The following KIAA0319 variants were observed in gnomAD, a reference collection of about 807,000 sequenced individuals.
The protein encoded by KIAA0319 is dyslexia-associated protein KIAA0319.
A neutral mutation model predicts 108.4 loss-of-function variants in KIAA0319; 83 were observed. That is an observed-to-expected ratio of 0.77 (90% CI 0.64 to 0.92). The LOEUF (loss-of-function observed/expected upper bound fraction) is 0.92. Ranked by LOEUF, KIAA0319 falls within the 40% of genes least tolerant of loss-of-function variation. The pLI, the probability that KIAA0319 is intolerant of heterozygous loss-of-function variation, is 0.00. For synonymous variants in KIAA0319, 484 were observed against 510.4 expected (o/e 0.95, Z 0.70); for missense variants, 1,195 against 1,322.4 (o/e 0.90, Z 1.49).
At chr6:24,600,665 C>G (rs1330613226) in intron 2 of KIAA0319, 2 of 1,535,544 alleles carry the variant, frequency 1.3e-6, no homozygotes, top group Non-Finnish European at 1.7e-6. Flanking sequence ...TTAAATGATG[C>G]TCACCAGTGA....
Position 24,646,097 on chromosome 6 carries a change from C to A in KIAA0319, c.-467G>T, listed in dbSNP as rs1292190818. ...CGGGGCCAGCCAGGCCCGCCGAGGG[C>A]AGCACAGGTGGAGCAAGGTTGCACC... On this transcript the variant is annotated 5_prime_UTR_variant, in exon 1 of 21. Transcript: ENST00000378214. 6.6e-6 allele frequency: 1 copy of A among 152,534 alleles called. No individual in the cohort carries two copies. The highest frequency in any genetic ancestry group is 1.5e-5 in the Non-Finnish European group (1 of 68,346). 9.4% of individuals were successfully genotyped at this position (152,534 alleles called of 1,614,324 possible). A position where few individuals can be genotyped will look rare whatever the true frequency, so the allele number is the denominator to read the frequency against.
intron 1 of KIAA0319, among the ~76,000 whole-genome samples, chr6:24,603,572 C>G (rs1562047159): frequency 1.3e-5 from 2 of 152,152 alleles, no homozygotes; most frequent in Non-Finnish European, 2.9e-5. Context: ...GTGGATAAAA[C>G]CTTATAGGAG....
chr6:24,573,128 T>C (rs1197259815), intron 10 of KIAA0319, among the ~76,000 whole-genome samples: 1 of 151,988 alleles, frequency 6.6e-6, no homozygotes, highest in Non-Finnish European at 1.5e-5. Context: ...AATATGTTGG[T>C]CCCCAGGAAA....
intron 1 of KIAA0319, among the ~76,000 whole-genome samples, chr6:24,636,271 C>G (rs905706617): frequency 6.6e-6 from 1 of 152,198 alleles, no homozygotes; most frequent in Non-Finnish European, 1.5e-5. Flanking sequence ...GTGGGTTTCC[C>G]ACAGGATTTT....
chr6:24,571,364 G>A (rs1260279627), intron 11 of KIAA0319, among the ~76,000 whole-genome samples: 1 of 133,986 alleles, frequency 7.5e-6, no homozygotes, highest in Non-Finnish European at 1.6e-5. Flanking sequence ...GCAACAAAGT[G>A]AGACCCTGTC....
rs909069575 is a variant in KIAA0319, at chr6:24,578,229, A to G, written c.1386T>C (p.Asp462=). The change falls in exon 9 of 21, where the codon GAT becomes GAC. Residue 462 remains aspartate, a synonymous_variant. Coordinates refer to ENST00000378214, the MANE Select transcript of KIAA0319 (RefSeq NM_014809.4). ...CCCAATGATAACTCACTATTTCAGT[A>G]TCATCTGTACTTTCTACAAGATTAA... ...ALIDGSQSTD[D]TEIVSYHWEE... The G allele has an allele frequency of 6.2e-7, 1 of 1,601,412 alleles. No individual in the cohort carries two copies. Among genetic ancestry groups the G allele is most frequent in the Middle Eastern group, 1.7e-4 (1 of 6,044 alleles).
downstream of KIAA0319, among the ~76,000 whole-genome samples, chr6:24,543,132 C>G (rs1760269663): frequency 6.6e-6 from 1 of 152,206 alleles, no homozygotes; most frequent in African/African-American, 2.4e-5. Flanking sequence ...TTTCAGAGAA[C>G]TTCTGTTCAC....
chr6:24,607,906 A>G (rs764212453), intron 1 of KIAA0319, among the ~76,000 whole-genome samples: 3 of 152,348 alleles, frequency 2.0e-5, no homozygotes, highest in Admixed American at 1.3e-4. Flanking sequence ...GCAGTCCCCA[A>G]CTGTGAACGA....
In KIAA0319 at chr6:24,580,939, G is replaced by T; in HGVS notation, c.1266C>A (p.Val422=). The T allele has an allele frequency of 6.2e-7, 1 of 1,609,648 alleles. No homozygotes were observed. The highest frequency in any genetic ancestry group is 8.5e-7 in the Non-Finnish European group (1 of 1,176,242). ...ACACCGGCTTACCAGGCTTAACAGT[G>T]ACATTGACAAATCCTTCTCCAAAGG... ...ENAFGEGFVN[V]TVKPARRVNL... The change falls in exon 7 of 21, where the codon GTC becomes GTA. Residue 422 remains valine (V), a synonymous_variant. Coordinates refer to ENST00000378214, the MANE Select transcript of KIAA0319 (RefSeq NM_014809.4).
At chr6:24,550,999 GAC>G in intron 20 of KIAA0319, among the ~76,000 whole-genome samples, 1 of 151,862 alleles carries the variant, frequency 6.6e-6, no homozygotes, top group South Asian at 2.1e-4. Context: ...TCTTTCTTGA[GAC>G]AGAGTCTCAG....
At chr6:24,547,442 G>T in intron 20 of KIAA0319, 99 bp from the exon 21 acceptor site, 1 of 991,274 alleles carries the variant, frequency 1.0e-6, no homozygotes, top group African/African-American at 1.6e-5. Flanking sequence ...ACGGAGTGGT[G>T]CTCTCCGCCC....
intron 6 of KIAA0319, 47 bp downstream of exon 6, chr6:24,582,202 T>C: frequency 2.8e-6 from 3 of 1,055,022 alleles, no homozygotes; most frequent in Non-Finnish European, 4.5e-6. Flanking sequence ...CTGAGCTCTA[T>C]GCCGTTACGC....
intron 1 of KIAA0319, among the ~76,000 whole-genome samples, chr6:24,606,611 G>T (rs1298825556): frequency 6.6e-6 from 1 of 152,144 alleles, no homozygotes; most frequent in Non-Finnish European, 1.5e-5. Flanking sequence ...AGGTGACTGT[G>T]GCAAAGATTG....
At chr6:24,576,211 T>C (rs1202527898) in intron 10 of KIAA0319, among the ~76,000 whole-genome samples, 157 bp downstream of exon 10, 2 of 152,168 alleles carry the variant, frequency 1.3e-5, no homozygotes, top group African/African-American at 2.4e-5. Context: ...ACTTGGAAGA[T>C]TTGTGAGCTT....
At chr6:24,643,109 A>G in intron 1 of KIAA0319, among the ~76,000 whole-genome samples, 1 of 152,200 alleles carries the variant, frequency 6.6e-6, no homozygotes, top group East Asian at 1.9e-4. Context: ...TAAAACTTGA[A>G]CACTATTATC....
At chr6:24,630,681 G>GTGTA (rs1408315041) in intron 1 of KIAA0319, among the ~76,000 whole-genome samples, 1 of 51,992 alleles carries the variant, frequency 1.9e-5, no homozygotes, top group Non-Finnish European at 4.8e-5. Flanking sequence ...GTGTGTATAT[G>GTGTA]TGTATATATA....
intron 3 of KIAA0319, among the ~76,000 whole-genome samples, chr6:24,595,011 G>A (rs1769235665): frequency 6.6e-6 from 1 of 152,018 alleles, no homozygotes; most frequent in African/African-American, 2.4e-5. Flanking sequence ...TTTTGAAATC[G>A]CTCCACTGCA....
intron 1 of KIAA0319, among the ~76,000 whole-genome samples, chr6:24,642,219 G>A (rs7759592): frequency 0.65 from 93,582 of 144,764 alleles, 30,510 homozygotes; most frequent in East Asian, 0.87. Flanking sequence ...GGAAAGGAAG[G>A]AAGGAAAGAA....
intron 1 of KIAA0319, among the ~76,000 whole-genome samples, chr6:24,624,020 T>TTCTC (rs762693103): frequency 8.1e-4 from 35 of 43,324 alleles, no homozygotes; most frequent in African/African-American, 6.3e-3. Context: ...TTGTTTTCTT[T>TTCTC]TTTTTTTTTT....
Sources: allele counts gnomAD v4.1 joint callset (sites outside exome capture counted in the v4.1 genomes callset), GRCh38; gene constraint gnomAD v4.1.1; transcripts MANE v1.5; gene names NCBI Gene and HGNC (gene_info 2026-07-23, HGNC 2026-07-21).